NBAS: variants seen among roughly 807,000 people sequenced by gnomAD.
NBAS encodes NAG/BC035112 fusion.
NBAS carries 219 observed loss-of-function variants against 302.5 expected under a neutral mutation model. The observed-to-expected ratio is 0.72, with a 90% confidence interval of 0.65 to 0.81. The LOEUF (loss-of-function observed/expected upper bound fraction) is 0.81. NBAS is among the 30% of genes least tolerant of loss of function. The probability of loss-of-function intolerance (pLI) is 0.00; values close to 1 mark genes in which losing one functional copy is unlikely to be tolerated. For synonymous variants in NBAS, 1,118 were observed against 1,021.6 expected, an observed-to-expected ratio of 1.09 and a Z score of -1.80; for missense variants, 2,932 against 2,841.6, an observed-to-expected ratio of 1.03 and a Z score of -0.72.
chr2:15,034,039 G>GA, the NBAS span, among the ~76,000 whole-genome samples: 1 of 84,596 alleles, frequency 1.2e-5, no homozygotes, highest in Non-Finnish European at 2.2e-5. Flanking sequence ...GGAGGAGGAA[G>GA]GAGGAGGAGG....
At chr2:14,876,859 C>A in the NBAS span, among the ~76,000 whole-genome samples, 3 of 152,212 alleles carry the variant, frequency 2.0e-5, no homozygotes, top group Admixed American at 2.0e-4. Context: ...ATGTGTCCAG[C>A]CTGCTTCTGA....
At chr2:15,034,037 A>AAGAAGAAGG in the NBAS span, among the ~76,000 whole-genome samples, 68 of 42,018 alleles carry the variant, frequency 1.6e-3, 3 homozygotes, top group Admixed American at 5.1e-3. Context: ...GAGGAGGAGG[A>AAGAAGAAGG]AGGAGGAGGA....
At chr2:14,862,560 T>G in the NBAS span, among the ~76,000 whole-genome samples, 1 of 152,170 alleles carries the variant, frequency 6.6e-6, no homozygotes, top group Admixed American at 6.5e-5. Flanking sequence ...CAAACAAATA[T>G]GTAACCTTTC....
At chr2:15,489,341 C>A (rs1376287057) in intron 11 of NBAS, among the ~76,000 whole-genome samples, 3 of 152,088 alleles carry the variant, frequency 2.0e-5, no homozygotes, top group African/African-American at 7.2e-5. Context: ...ATTCTCAATA[C>A]CTTTTAAGGT....
At chr2:15,123,441 G>T in the NBAS span, among the ~76,000 whole-genome samples, 2 of 152,142 alleles carry the variant, frequency 1.3e-5, no homozygotes, top group Non-Finnish European at 2.9e-5. Flanking sequence ...ATCTCATGTG[G>T]AGTAACCCCC....
chr2:15,334,184 C>T (rs1338682418), intron 35 of NBAS, among the ~76,000 whole-genome samples: 1 of 113,978 alleles, frequency 8.8e-6, no homozygotes, highest in African/African-American at 3.7e-5. Flanking sequence ...CCTCTCTTCT[C>T]CTTTTTCTTT....
chr2:15,397,452 G>A, intron 26 of NBAS: 1 of 468,378 alleles, frequency 2.1e-6, no homozygotes, highest in Non-Finnish European at 3.9e-6. Context: ...GGCTTTGGTG[G>A]GGGTTGTGGG....
the NBAS span, among the ~76,000 whole-genome samples, chr2:15,039,262 G>C: frequency 3.9e-5 from 6 of 152,120 alleles, no homozygotes; most frequent in Non-Finnish European, 8.8e-5. Flanking sequence ...GCGTTGCTGC[G>C]GTTGCACACT....
At chr2:15,011,369 C>T in the NBAS span, among the ~76,000 whole-genome samples, 8 of 151,884 alleles carry the variant, frequency 5.3e-5, 1 homozygote, top group Admixed American at 4.6e-4. Context: ...TAAGTACATG[C>T]AAAATTTGAA....
At chr2:15,021,490 G>C in the NBAS span, among the ~76,000 whole-genome samples, 1 of 152,172 alleles carries the variant, frequency 6.6e-6, no homozygotes, top group Non-Finnish European at 1.5e-5. Context: ...CTTTAGAGAG[G>C]AAATGACAAG....
chr2:15,405,665 T>C (rs1323344799), intron 25 of NBAS, among the ~76,000 whole-genome samples: 1 of 152,002 alleles, frequency 6.6e-6, no homozygotes, highest in Admixed American at 6.6e-5. Flanking sequence ...TATATACAAC[T>C]AGAAAAGAAC....
At chr2:15,087,919 A>G in the NBAS span, among the ~76,000 whole-genome samples, 4 of 152,242 alleles carry the variant, frequency 2.6e-5, no homozygotes, top group Non-Finnish European at 5.9e-5. Flanking sequence ...AGTAGGTTGC[A>G]TTACGGTTGC....
At chr2:15,552,655 T>C (rs1353769034) in intron 5 of NBAS, among the ~76,000 whole-genome samples, 1 of 152,170 alleles carries the variant, frequency 6.6e-6, no homozygotes, top group Admixed American at 6.5e-5. Flanking sequence ...TAGAGATGTC[T>C]TTTAGATGTG....
the NBAS span, among the ~76,000 whole-genome samples, chr2:14,815,945 T>C: frequency 3.9e-5 from 6 of 152,180 alleles, no homozygotes; most frequent in Non-Finnish European, 5.9e-5. Flanking sequence ...ACTAAAATTT[T>C]TACATCCCAA....
chr2:15,519,482 G>A (rs1193346299), intron 9 of NBAS, among the ~76,000 whole-genome samples: 1 of 87,522 alleles, frequency 1.1e-5, no homozygotes, highest in Non-Finnish European at 2.8e-5. Context: ...TGTCACCCAA[G>A]CTGGAGTGCA....
At chr2:14,904,085 AT>A in the NBAS span, among the ~76,000 whole-genome samples, 1 of 152,122 alleles carries the variant, frequency 6.6e-6, no homozygotes, top group Non-Finnish European at 1.5e-5. Context: ...AATTATCTGT[AT>A]TTTTCTTTTC....
the NBAS span, among the ~76,000 whole-genome samples, chr2:14,879,638 C>A: frequency 7.9e-5 from 12 of 152,188 alleles, no homozygotes; most frequent in East Asian, 2.3e-3. Flanking sequence ...AATAACATAA[C>A]CCATAGATTA....
At chr2:15,480,300 C>A (rs969187579) in intron 12 of NBAS, among the ~76,000 whole-genome samples, 1 of 151,486 alleles carries the variant, frequency 6.6e-6, no homozygotes, top group African/African-American at 2.4e-5. Context: ...ATGATCACAC[C>A]ACCACACTCC....
chr2:14,838,714 C>T, the NBAS span, among the ~76,000 whole-genome samples: 1 of 151,934 alleles, frequency 6.6e-6, no homozygotes, highest in Non-Finnish European at 1.5e-5. Context: ...TTGGTTTCTA[C>T]CAGATACCTG....
Sources: allele counts gnomAD v4.1 joint callset (sites outside exome capture counted in the v4.1 genomes callset), GRCh38; gene constraint gnomAD v4.1.1; transcripts MANE v1.5; gene names NCBI Gene and HGNC (gene_info 2026-07-23, HGNC 2026-07-21).